Variants in CPEB3 observed in about 807,000 individuals in gnomAD.
CPEB3 encodes the protein cytoplasmic polyadenylation element-binding protein 3.
A neutral mutation model predicts 67.2 loss-of-function variants in CPEB3; 20 were observed. The ratio of observed to expected loss-of-function variants is 0.30; its 90% CI spans 0.21 to 0.43. CPEB3 has a LOEUF of 0.43. Ranked by LOEUF, CPEB3 falls within the 20% of genes least tolerant of loss-of-function variation. The pLI is 1.00. For synonymous variants in CPEB3, 376 were observed against 393.1 expected, an observed-to-expected ratio of 0.96 and a Z score of 0.51; for missense variants, 746 against 968.6, an observed-to-expected ratio of 0.77 and a Z score of 3.05.
intron 2 of CPEB3, among the ~76,000 whole-genome samples, chr10:92,226,349 T>G (rs552331203): frequency 6.6e-6 from 1 of 152,366 alleles, no homozygotes; most frequent in East Asian, 1.9e-4. Flanking sequence ...TTCTATATTT[T>G]AATACATGTT....
chr10:92,159,333 A>G (rs1015526345), intron 4 of CPEB3, among the ~76,000 whole-genome samples: 1 of 152,052 alleles, frequency 6.6e-6, no homozygotes, highest in African/African-American at 2.4e-5. Flanking sequence ...AAAAAGGAAG[A>G]TAATTTGGAG....
chr10:92,281,687 T>C (rs1842302824), intron 1 of CPEB3, among the ~76,000 whole-genome samples: 1 of 152,242 alleles, frequency 6.6e-6, no homozygotes, highest in Admixed American at 6.5e-5. Context: ...TAAAAATATG[T>C]GTATCTAAAA....
intron 9 of CPEB3, among the ~76,000 whole-genome samples, chr10:92,057,576 T>C (rs1842160636): frequency 6.6e-6 from 1 of 152,194 alleles, no homozygotes; most frequent in Non-Finnish European, 1.5e-5. Flanking sequence ...CACCTGCTGA[T>C]AGTAGTGCCC....
At chr10:92,170,694 A>G (rs189241007) in intron 4 of CPEB3, among the ~76,000 whole-genome samples, 12 of 152,186 alleles carry the variant, frequency 7.9e-5, no homozygotes, top group African/African-American at 2.9e-4. Flanking sequence ...AGGAAGAAAG[A>G]GAGGGTGGGA....
At chr10:92,088,418 G>T (rs951511207) in intron 8 of CPEB3, among the ~76,000 whole-genome samples, 21 of 151,502 alleles carry the variant, frequency 1.4e-4, no homozygotes, top group African/African-American at 4.9e-5. Context: ...GTAGAGACAG[G>T]GTTTCACCAT....
At chr10:92,269,359 G>T (rs1039222909) in intron 1 of CPEB3, among the ~76,000 whole-genome samples, 2 of 151,854 alleles carry the variant, frequency 1.3e-5, no homozygotes, top group African/African-American at 4.8e-5. Flanking sequence ...ATGCTAATTA[G>T]CATACCAATT....
intron 2 of CPEB3, among the ~76,000 whole-genome samples, chr10:92,224,504 T>C (rs1850865183): frequency 6.6e-6 from 1 of 151,948 alleles, no homozygotes; most frequent in East Asian, 1.9e-4. Context: ...CCTAAATCTC[T>C]TGCTCTCTCA....
At chr10:92,288,170 ATGCTG>A (rs1842623292) in intron 1 of CPEB3, among the ~76,000 whole-genome samples, 1 of 152,204 alleles carries the variant, frequency 6.6e-6, no homozygotes, top group Non-Finnish European at 1.5e-5. Flanking sequence ...ATCAAGAATA[ATGCTG>A]TAGGCCAGGT....
At chr10:92,212,909 A>T (rs1850165973) in intron 2 of CPEB3, among the ~76,000 whole-genome samples, 2 of 152,152 alleles carry the variant, frequency 1.3e-5, no homozygotes, top group Non-Finnish European at 2.9e-5. Context: ...ATCTCTACAA[A>T]AAATAAATAA....
chr10:92,061,120 C>A (rs917863088), intron 9 of CPEB3, among the ~76,000 whole-genome samples: 1 of 152,116 alleles, frequency 6.6e-6, no homozygotes, highest in African/African-American at 2.4e-5. Context: ...ACCTAAGTGT[C>A]CATCAACAGA....
chr10:92,290,127 T>C (rs1842783584), intron 1 of CPEB3, among the ~76,000 whole-genome samples: 2 of 152,112 alleles, frequency 1.3e-5, no homozygotes, highest in Admixed American at 1.3e-4. Context: ...AAACACATTT[T>C]CATTTTTTAA....
At chr10:92,203,508 G>GTA (rs762019168) in intron 2 of CPEB3, among the ~76,000 whole-genome samples, 3,531 of 116,520 alleles carry the variant, frequency 0.03, 79 homozygotes, top group African/African-American at 0.067. Flanking sequence ...ATATGTGTGT[G>GTA]TATATATATA....
At position 92,050,982 on chromosome 10, in the gene CPEB3, T is replaced by TA. The variant is rs1841878709; in HGVS notation, c.*1229dup. Reference sequence around the variant, plus strand: ...ATGTCTGACAGAGGCTTTAAACAGTTAAGTTTGATCACAGTTAGACATAAT... The same window carrying TA: ...ATGTCTGACAGAGGCTTTAAACAGTTAAAGTTTGATCACAGTTAGACATAAT... On this transcript the variant is annotated 3_prime_UTR_variant, in exon 10 of 10. Coordinates refer to ENST00000265997, the MANE Select transcript of CPEB3 (RefSeq NM_014912.5). The TA allele has an allele frequency of 6.6e-6, 1 of 152,658 alleles. No homozygotes were observed. The highest frequency in any genetic ancestry group is 2.4e-5 in the African/African-American group (1 of 41,458). 9.5% of individuals were successfully genotyped at this position (152,658 alleles called of 1,614,324 possible).
chr10:92,093,661 C>T lies in CPEB3; in HGVS notation c.1573-1717G>A, dbSNP rs192340837. Among the ~76,000 whole-genome samples the T allele has an allele frequency of 3.1e-3, 475 of 152,002 alleles. 1 individual carries two copies. In the Middle Eastern group the frequency reaches 0.048, roughly 15 times the overall value. ...GGGATTACAGGTGCCCGCCATCATG[C>T]CCGGTTAATTTTTGTATTTTTAGTA... On this transcript the variant is annotated intron_variant, in intron 7 of 9. Transcript: ENST00000265997.
At chr10:92,263,452 G>A (rs1270676261) in intron 1 of CPEB3, among the ~76,000 whole-genome samples, 1 of 152,180 alleles carries the variant, frequency 6.6e-6, no homozygotes, top group East Asian at 1.9e-4. Flanking sequence ...ACTGACATGT[G>A]GATGAGATCG....
intron 1 of CPEB3, among the ~76,000 whole-genome samples, chr10:92,258,642 ATATATATATATATAT>A (rs1312695176): frequency 6.8e-5 from 2 of 29,446 alleles, no homozygotes; most frequent in Non-Finnish European, 2.8e-4. Context: ...ATATATATAT[ATATATATATATATAT>A]ATATATATAT....
intron 8 of CPEB3, among the ~76,000 whole-genome samples, chr10:92,090,814 G>C (rs1014635009): frequency 6.6e-6 from 1 of 152,046 alleles, no homozygotes; most frequent in African/African-American, 2.4e-5. Flanking sequence ...TTTATTCTCC[G>C]ACTGCAGATA....
intron 2 of CPEB3, among the ~76,000 whole-genome samples, chr10:92,194,309 G>A (rs1849127245): frequency 6.6e-6 from 1 of 151,738 alleles, no homozygotes; most frequent in Admixed American, 6.6e-5. Context: ...GCATGCTGGT[G>A]CGTGCCTGTA....
chr10:92,217,206 C>CAAAAAAAAAAAAAAA (rs1163974877), intron 2 of CPEB3, among the ~76,000 whole-genome samples: 3 of 25,450 alleles, frequency 1.2e-4, no homozygotes, highest in African/African-American at 5.5e-4. Context: ...GACTCTGCCT[C>CAAAAAAAAAAAAAAA]AAAAAAAAAA....
Sources: gnomAD v4.1 joint callset for allele counts (sites outside exome capture counted in the v4.1 genomes callset) on GRCh38, gnomAD v4.1.1 for gene constraint, MANE v1.5 for transcripts, NCBI Gene and HGNC (gene_info 2026-07-23, HGNC 2026-07-21) for gene names.